Variants in HECW2 observed in about 807,000 individuals in gnomAD.
HECW2 encodes E3 ubiquitin-protein ligase HECW2.
A neutral mutation model predicts 175.2 loss-of-function variants in HECW2; 61 were observed. That is an observed-to-expected ratio of 0.35 (90% CI 0.28 to 0.43). The LOEUF is 0.43. Among genes scored for constraint, HECW2 ranks in the 20% least tolerant of loss-of-function variants. The probability of loss-of-function intolerance (pLI) is 1.00; values close to 1 mark genes in which losing one functional copy is unlikely to be tolerated. For synonymous variants in HECW2, 671 were observed against 731.0 expected (o/e 0.92, Z 1.32); for missense variants, 1,524 against 2,000.5 (o/e 0.76, Z 4.54).
chr2:196,513,137 G>A (rs1463841075), intron 1 of HECW2, among the ~76,000 whole-genome samples: 1 of 152,214 alleles, frequency 6.6e-6, no homozygotes, highest in Non-Finnish European at 1.5e-5. Context: ...CAGTGAAGAT[G>A]TAATAGTATA....
intron 1 of HECW2, among the ~76,000 whole-genome samples, chr2:196,440,921 C>T (rs1559112123): frequency 6.6e-6 from 1 of 152,052 alleles, no homozygotes. Flanking sequence ...TAAAAAAAAC[C>T]CTCCTTCTAA....
At chr2:196,565,617 T>G (rs1690161224) in intron 1 of HECW2, among the ~76,000 whole-genome samples, 1 of 152,204 alleles carries the variant, frequency 6.6e-6, no homozygotes, top group Admixed American at 6.5e-5. Context: ...CCTAGTCACT[T>G]TTCATCTTTG....
At chr2:196,379,388 A>G (rs910687771) in intron 2 of HECW2, among the ~76,000 whole-genome samples, 6 of 152,090 alleles carry the variant, frequency 3.9e-5, no homozygotes, top group Non-Finnish European at 7.4e-5. Context: ...CAGTACACTT[A>G]AGATTATGGC....
intron 5 of HECW2, among the ~76,000 whole-genome samples, chr2:196,329,089 C>T (rs1037796502): frequency 6.6e-6 from 1 of 152,000 alleles, no homozygotes; most frequent in African/African-American, 2.4e-5. Flanking sequence ...CCGTGCTTTA[C>T]TTGTATGGTA....
intron 2 of HECW2, among the ~76,000 whole-genome samples, chr2:196,432,814 C>T (rs1695753552): frequency 6.6e-6 from 1 of 152,144 alleles, no homozygotes; most frequent in Non-Finnish European, 1.5e-5. Context: ...TAAAATGGGA[C>T]TGCTGATCAA....
chr2:196,584,946 A>G (rs114420884), intron 1 of HECW2, among the ~76,000 whole-genome samples: 540 of 152,346 alleles, frequency 3.5e-3, no homozygotes, highest in Non-Finnish European at 6.4e-3. Flanking sequence ...AGAAGTTAAT[A>G]TAACAGTAGC....
intron 1 of HECW2, among the ~76,000 whole-genome samples, chr2:196,507,167 T>TATTACACACACTAATAC (rs1559148710): frequency 1.9e-3 from 10 of 5,210 alleles, no homozygotes; most frequent in East Asian, 0.022. Flanking sequence ...ACACACACTA[T>TATTACACACACTAATAC]GTGTATATTA....
At chr2:196,366,247 G>A (rs1243446977) in intron 2 of HECW2, among the ~76,000 whole-genome samples, 1 of 152,158 alleles carries the variant, frequency 6.6e-6, no homozygotes, top group Non-Finnish European at 1.5e-5. Flanking sequence ...GGTACAATGA[G>A]TTTAGTAAAA....
rs1034521040 is a variant in HECW2 at position 196,257,301 on chromosome 2, G to T, written c.3419+522C>A. On this transcript the variant is annotated intron_variant, in intron 18 of 28. Coordinates refer to ENST00000644978, the MANE Select transcript of HECW2 (RefSeq NM_001348768.2). ...GTGAGGGGCGGGGGTGAAAATAATTGGTCAGTTTTATGAAGGGCTATCAAG... is the reference window on the plus strand; with the variant it reads ...GTGAGGGGCGGGGGTGAAAATAATTTGTCAGTTTTATGAAGGGCTATCAAG... 2.6e-5 allele frequency among the ~76,000 whole-genome samples: 4 copies of T among 152,064 alleles called. No homozygotes were observed. In the South Asian group the frequency reaches 8.3e-4, roughly 32 times the overall value.
intron 21 of HECW2, among the ~76,000 whole-genome samples, chr2:196,234,197 C>T (rs1285613809): frequency 2.6e-5 from 4 of 151,996 alleles, no homozygotes; most frequent in East Asian, 1.9e-4. Flanking sequence ...CCTCTCTTTA[C>T]GCAGGCCACT....
In HECW2 at chr2:196,292,574, G is replaced by A. The variant is rs904207112; in HGVS notation, c.2991C>T (p.His997=). ...ATCTCCCTCGTGTTACCTTGCCCTG[G>A]TGATCATGTTTCATTTCCCATCCCC... The part of the protein sequence containing the change: ...LPRGWEMKHD[H]QGKAFFVDHN... The change falls in exon 14 of 29, where the codon CAC becomes CAT. Residue 997 remains histidine (H), a synonymous_variant. Transcript: ENST00000644978. 1 of 1,612,956 alleles carries A rather than the reference G, an allele frequency of 6.2e-7. No homozygotes were observed. Among genetic ancestry groups the A allele is most frequent in the Non-Finnish European group, 8.5e-7 (1 of 1,179,396 alleles).
chr2:196,542,566 G>A (rs1258300909), intron 1 of HECW2, among the ~76,000 whole-genome samples: 3 of 151,952 alleles, frequency 2.0e-5, no homozygotes, highest in Non-Finnish European at 4.4e-5. Context: ...CAATAAGATG[G>A]TAAATATTGA....
In HECW2 at chr2:196,292,664, G is replaced by A. The variant is rs1243768079; in HGVS notation, c.2901C>T (p.Tyr967=). 4 of 1,614,152 alleles carry A rather than the reference G, an allele frequency of 2.5e-6. No individual in the cohort carries two copies. Among genetic ancestry groups the A allele is most frequent in the Non-Finnish European group, 1.7e-6 (2 of 1,180,004 alleles). Residue 967 remains tyrosine (Y), a synonymous_variant, in exon 14 of 29, where the codon TAC becomes TAT. Transcript: ENST00000644978. ...ATCCCACAAGGTCGCGGTTATGCTGGTAGCGTTCAAAGTGGTGGGTGTCCC... is the reference window on the plus strand; with the variant it reads ...ATCCCACAAGGTCGCGGTTATGCTGATAGCGTTCAAAGTGGTGGGTGTCCC... The part of the protein sequence containing the change: ...VRRDTHHFER[Y]QHNRDLVGFL...
intron 1 of HECW2, among the ~76,000 whole-genome samples, chr2:196,472,523 G>A (rs1339855776): frequency 2.0e-5 from 3 of 149,094 alleles, no homozygotes; most frequent in African/African-American, 7.4e-5. Context: ...GTAACTCACT[G>A]TTTAGGACCC....
intron 22 of HECW2, 110 bp downstream of exon 22, chr2:196,227,992 A>T (rs1456149466): frequency 7.0e-6 from 7 of 1,002,134 alleles, no homozygotes; most frequent in Admixed American, 2.8e-5. Context: ...AACTGAAAAT[A>T]TGACTTTGCC....
chr2:196,576,489 T>C (rs916504528), intron 1 of HECW2, among the ~76,000 whole-genome samples: 10 of 152,172 alleles, frequency 6.6e-5, no homozygotes, highest in Admixed American at 3.9e-4. Context: ...ATCTCACTTA[T>C]ATGTGGAATC....
intron 14 of HECW2, among the ~76,000 whole-genome samples, chr2:196,284,048 C>G (rs1287217291): frequency 2.0e-5 from 3 of 152,114 alleles, no homozygotes; most frequent in African/African-American, 4.8e-5. Context: ...TTTCTGCCTA[C>G]CATCTTTTCC....
chr2:196,246,409 G>A (rs982253544), intron 19 of HECW2, among the ~76,000 whole-genome samples: 7 of 151,870 alleles, frequency 4.6e-5, no homozygotes, highest in Non-Finnish European at 1.0e-4. Flanking sequence ...TTCTTTAGAC[G>A]GAGTCTCACT....
chr2:196,258,617 G>C (rs1348589821), intron 17 of HECW2, among the ~76,000 whole-genome samples: 1 of 151,872 alleles, frequency 6.6e-6, no homozygotes, highest in Non-Finnish European at 1.5e-5. Flanking sequence ...TGTTTGATGA[G>C]TCATCATCAT....
Sources: gnomAD v4.1 joint callset for allele counts (sites outside exome capture counted in the v4.1 genomes callset) on GRCh38, gnomAD v4.1.1 for gene constraint, MANE v1.5 for transcripts, NCBI Gene and HGNC (gene_info 2026-07-23, HGNC 2026-07-21) for gene names.